Variants in MFN1 observed in about 807,000 individuals in gnomAD.
The protein encoded by MFN1 is mitofusin 1.
In MFN1, 65 loss-of-function variants were observed where a neutral mutation model predicts 92.4. That is an observed-to-expected ratio of 0.70 (90% CI 0.58 to 0.86). MFN1 has a LOEUF of 0.86. MFN1 is among the 40% of genes least tolerant of loss of function. The probability of loss-of-function intolerance (pLI) is 0.00; values close to 1 mark genes in which losing one functional copy is unlikely to be tolerated. For missense variants in MFN1, 781 were observed against 868.0 expected, an observed-to-expected ratio of 0.90 and a Z score of 1.26; for synonymous variants, 297 against 300.9, an observed-to-expected ratio of 0.99 and a Z score of 0.13.
rs1714035144 is a variant in MFN1, at chr3:179,394,692, G to A, written c.*2633G>A. ...GGCCTCCCAAAGTGCTGGGATTACA[G>A]GCGTGAGCCACCGCGCCCGGCCGAA... On this transcript the variant is annotated 3_prime_UTR_variant, in exon 18 of 18. Coordinates refer to ENST00000471841, the MANE Select transcript of MFN1 (RefSeq NM_033540.3). The A allele has an allele frequency of 6.6e-6, 1 of 152,188 alleles. No individual in the cohort carries two copies. The highest frequency in any genetic ancestry group is 2.4e-5 in the African/African-American group (1 of 41,430). The allele number at this position is 152,188 out of a possible 1,614,324, so 9.4% of individuals were successfully genotyped here. A position where few individuals can be genotyped will look rare whatever the true frequency, so the allele number is the denominator to read the frequency against.
chr3:179,378,093 A>G lies in MFN1; in HGVS notation c.1330-248A>G, dbSNP rs1355886384. ...ATAAAAAATAGCCAAGCATGGCGAC[A>G]CGCTTCTATAGTCCCAGTTACTCAG... On this transcript the variant is annotated intron_variant, in intron 12 of 17. Coordinates refer to ENST00000471841, the MANE Select transcript of MFN1 (RefSeq NM_033540.3). 7.2e-6 allele frequency: 3 copies of G among 416,456 alleles called. No individual in the cohort carries two copies. The East Asian group carries it at 1.3e-4, about 18-fold the overall frequency. The allele number at this position is 416,456 out of a possible 1,614,324, so 25.8% of individuals were successfully genotyped here.
chr3:179,385,301 C>T (rs1397192961), intron 14 of MFN1, among the ~76,000 whole-genome samples: 1 of 150,920 alleles, frequency 6.6e-6, no homozygotes, highest in Non-Finnish European at 1.5e-5. Context: ...TTTAAAAACA[C>T]ACTTTGTTCC....
Position 179,348,920 on chromosome 3 carries a change from C to G in MFN1, c.69C>G (p.Asp23Glu). Residue 23 changes from aspartate to glutamate, a missense_variant, in exon 2 of 18, where the codon GAC becomes GAG. Coordinates refer to ENST00000471841, the MANE Select transcript of MFN1 (RefSeq NM_033540.3). The part of the protein sequence containing the change: ...LAKKAITAIF[D>E]QLLEFVTEGS... ...AGAAGGCGATTACTGCAATCTTTGA[C>G]CAGTTACTGGAGTTTGTTACTGAAG... 2.5e-6 allele frequency: 4 copies of G among 1,607,120 alleles called. No homozygotes were observed. Among genetic ancestry groups the G allele is most frequent in the Non-Finnish European group, 3.4e-6 (4 of 1,174,322 alleles).
chr3:179,377,499 A>G (rs764123264), intron 12 of MFN1, 51 bp downstream of exon 12: 47 of 1,111,412 alleles, frequency 4.2e-5, no homozygotes, highest in Middle Eastern at 4.4e-4. Context: ...TTATTATTCT[A>G]TACCCTCATT....
chr3:179,377,222 T>C (rs1713274210), intron 11 of MFN1, 54 bp downstream of exon 11: 1 of 1,575,644 alleles, frequency 6.3e-7, no homozygotes, highest in Non-Finnish European at 8.6e-7. Context: ...TTATTTTTGA[T>C]AATGCTAAAA....
rs1268950810 is a variant in MFN1 at position 179,392,313 on chromosome 3, T to TAAG, written c.*254_*255insAAG. 5.1e-5 allele frequency: 15 copies of TAAG among 293,322 alleles called. No individual in the cohort carries two copies. The allele number at this position is 293,322 out of a possible 1,614,324, so 18.2% of individuals were successfully genotyped here. ...AGTTACAAGCAACAGTACCAACTTA[T>TAAG]GTGACCCCTGAGGGGTGGGGCTGTG... On this transcript the variant is annotated 3_prime_UTR_variant, in exon 18 of 18. Transcript: ENST00000471841.
chr3:179,378,710 A>G lies in MFN1; in HGVS notation c.1558A>G (p.Ile520Val). 6.2e-7 allele frequency: 1 copy of G among 1,613,808 alleles called. No individual in the cohort carries two copies. Among genetic ancestry groups the G allele is most frequent in the Non-Finnish European group, 8.5e-7 (1 of 1,179,722 alleles). ...GTTATGTTCAGATTTTCAAGAGGAT[A>G]TTGTATTTCGTTTTTCCCTGGGCTG... ...HKLCSDFQED[I>V]VFRFSLGWSS... is the part of the protein sequence containing the mutation. The change falls in exon 14 of 18, where the codon ATT becomes GTT. Residue 520 changes from isoleucine (I) to valine (V), a missense_variant. By Grantham distance (29) the Ile-to-Val change is conservative (BLOSUM62 3). Transcript: ENST00000471841.
chr3:179,348,880 A>C lies in MFN1; in HGVS notation c.29A>C (p.His10Pro). The C allele has an allele frequency of 1.2e-6, 2 of 1,609,558 alleles. No individual in the cohort carries two copies. Among genetic ancestry groups the C allele is most frequent in the Non-Finnish European group, 1.7e-6 (2 of 1,176,514 alleles). ...GCAGAACCTGTTTCTCCACTGAAGC[A>C]CTTTGTGCTGGCTAAGAAGGCGATT... Reference protein sequence around the residue: MAEPVSPLKHFVLAKKAITA... With the variant: MAEPVSPLKPFVLAKKAITA... The change falls in exon 2 of 18, where the codon CAC becomes CCC. Residue 10 changes from histidine (H) to proline (P), a missense_variant. Coordinates refer to ENST00000471841, the MANE Select transcript of MFN1 (RefSeq NM_033540.3).
chr3:179,351,795 G>T, intron 2 of MFN1, 105 bp from the exon 3 acceptor site: 1 of 1,048,148 alleles, frequency 9.5e-7, no homozygotes, highest in Non-Finnish European at 1.3e-6. Context: ...GCTGTGGGTG[G>T]CATGTTAACA....
intron 14 of MFN1, among the ~76,000 whole-genome samples, chr3:179,380,721 G>A (rs921586988): frequency 1.3e-5 from 2 of 152,222 alleles, no homozygotes; most frequent in Non-Finnish European, 2.9e-5. Flanking sequence ...GCTAGCAGCA[G>A]TGAACTGAGG....
At position 179,349,508 on chromosome 3, in the gene MFN1, ACTT is replaced by A. The variant is rs577963475; in HGVS notation, c.112+549_112+551del. Among the ~76,000 whole-genome samples the A allele has an allele frequency of 5.6e-3, 816 of 146,812 alleles. 7 individuals are homozygous for A. Among genetic ancestry groups the A allele is most frequent in the African/African-American group, 0.019 (751 of 39,956 alleles). On this transcript the variant is annotated intron_variant, in intron 2 of 17. Coordinates refer to ENST00000471841, the MANE Select transcript of MFN1 (RefSeq NM_033540.3). ...GGAATGTCATGTCTTACTAGGGAATACTTCTTTTTTTTTTTTTTGAGACAGAGT... is the reference window on the plus strand; with the variant it reads ...GGAATGTCATGTCTTACTAGGGAATACTTTTTTTTTTTTTTGAGACAGAGT...
chr3:179,390,347 C>T, intron 17 of MFN1, among the ~76,000 whole-genome samples: 1 of 152,086 alleles, frequency 6.6e-6, no homozygotes, highest in East Asian at 1.9e-4. Flanking sequence ...TTTGCAGTTT[C>T]ACTGAAGGCT....
At chr3:179,377,730 T>TC (rs1270375543) in intron 12 of MFN1, among the ~76,000 whole-genome samples, 4 of 152,094 alleles carry the variant, frequency 2.6e-5, no homozygotes, top group Non-Finnish European at 5.9e-5. Context: ...GCCCCAGAGT[T>TC]CGAGACCAGC....
intron 4 of MFN1, 52 bp from the exon 5 acceptor site, chr3:179,362,306 A>G: frequency 6.8e-7 from 1 of 1,478,540 alleles, no homozygotes; most frequent in Non-Finnish European, 9.0e-7. Flanking sequence ...TTTAATTTTT[A>G]TTGAATTTTA....
rs1206952113 is a variant in MFN1 at position 179,381,841 on chromosome 3, CTA to C, written c.1662+3029_1662+3030del. ...CCATCCTCAAGATAGCTCATTATAT[CTA>C]TGAAATATTCAAAAATCCTAAAAAA... On this transcript the variant is annotated intron_variant, in intron 14 of 17. Transcript: ENST00000471841. Among the ~76,000 whole-genome samples, 18 of 152,292 alleles carry C rather than the reference CTA, an allele frequency of 1.2e-4. No individual in the cohort carries two copies. The East Asian group carries it at 3.3e-3, about 28-fold the overall frequency.
intron 4 of MFN1, among the ~76,000 whole-genome samples, chr3:179,361,538 C>CTTT (rs1361600014): frequency 1.4e-5 from 2 of 143,336 alleles, no homozygotes; most frequent in South Asian, 2.2e-4. Flanking sequence ...TTATCTCTCA[C>CTTT]TTTTTTTTTT....
chr3:179,367,842 G>A (rs147084232), intron 8 of MFN1, among the ~76,000 whole-genome samples, 194 bp from the exon 9 acceptor site: 4,870 of 151,632 alleles, frequency 0.032, 111 homozygotes, highest in Middle Eastern at 0.18. Context: ...AAAATTGCTT[G>A]AACCCAGGAG....
intron 9 of MFN1, among the ~76,000 whole-genome samples, chr3:179,368,555 A>G (rs767124302): frequency 6.6e-6 from 1 of 152,244 alleles, no homozygotes; most frequent in Non-Finnish European, 1.5e-5. Flanking sequence ...TTATATTTAT[A>G]TACTGTGTTA....
rs767391793 is a variant in MFN1 at position 179,377,357 on chromosome 3, T to C, written c.1238T>C (p.Met413Thr). The C allele has an allele frequency of 6.2e-7, 1 of 1,608,242 alleles. No homozygotes were observed. The highest frequency in any genetic ancestry group is 1.1e-5 in the South Asian group (1 of 89,650). Residue 413 changes from methionine to threonine, a missense_variant, in exon 12 of 18, where the codon ATG (methionine) becomes ACG (threonine). Transcript: ENST00000471841. ...EEVANKVSCAMTDEICRLSVL... is the reference protein window; with the variant it reads ...EEVANKVSCATTDEICRLSVL... ...TCATATTTTCAGGTTTCATGTGCAA[T>C]GACAGATGAAATTTGTCGACTGTCT...
Sources: gnomAD v4.1 joint callset for allele counts (sites outside exome capture counted in the v4.1 genomes callset) on GRCh38, gnomAD v4.1.1 for gene constraint, MANE v1.5 for transcripts, NCBI Gene and HGNC (gene_info 2026-07-23, HGNC 2026-07-21) for gene names.